The following GULP1 variants were observed in gnomAD, a reference collection of about 807,000 sequenced individuals.
The protein encoded by GULP1 is PTB domain-containing engulfment adapter protein 1.
GULP1 carries 19 observed loss-of-function variants against 40.9 expected under a neutral mutation model. That is an observed-to-expected ratio of 0.46 (90% CI 0.32 to 0.68). The LOEUF (loss-of-function observed/expected upper bound fraction) is 0.68. GULP1 is among the 30% of genes least tolerant of loss of function. The pLI is 0.03. For synonymous variants in GULP1, 119 were observed against 117.6 expected, an observed-to-expected ratio of 1.01 and a Z score of -0.08; for missense variants, 312 against 362.2, an observed-to-expected ratio of 0.86 and a Z score of 1.12.
At chr2:188,462,114 A>T (rs559250600) in intron 2 of GULP1, among the ~76,000 whole-genome samples, 3 of 152,116 alleles carry the variant, frequency 2.0e-5, no homozygotes, top group Non-Finnish European at 2.9e-5. Context: ...AGTGTGCTTC[A>T]GTATGTTATG....
chr2:188,547,348 A>G (rs1692237002), intron 7 of GULP1, among the ~76,000 whole-genome samples: 1 of 152,012 alleles, frequency 6.6e-6, no homozygotes, highest in Admixed American at 6.6e-5. Context: ...GGTTCTCTAG[A>G]TGGATAGAGC....
At chr2:188,367,844 A>G (rs1280641912) in intron 1 of GULP1, among the ~76,000 whole-genome samples, 1 of 152,108 alleles carries the variant, frequency 6.6e-6, no homozygotes, top group Non-Finnish European at 1.5e-5. Context: ...AAAAAAGCCC[A>G]GTTGATCTCT....
At chr2:188,337,098 ATAT>A (rs1275264073) in intron 1 of GULP1, among the ~76,000 whole-genome samples, 4 of 35,650 alleles carry the variant, frequency 1.1e-4, no homozygotes, top group Non-Finnish European at 2.3e-4. Context: ...ATCTATATCT[ATAT>A]CTATATCTAT....
At chr2:188,310,388 G>C (rs2037882686) in intron 1 of GULP1, among the ~76,000 whole-genome samples, 1 of 152,182 alleles carries the variant, frequency 6.6e-6, no homozygotes, top group South Asian at 2.1e-4. Context: ...GAAGAAGAAT[G>C]AATCAGGGTG....
At chr2:188,559,745 GCT>G (rs1319954926) in intron 7 of GULP1, among the ~76,000 whole-genome samples, 1 of 152,114 alleles carries the variant, frequency 6.6e-6, no homozygotes, top group African/African-American at 2.4e-5. Flanking sequence ...ATATGGTTTG[GCT>G]CTGTGTCCCC....
At chr2:188,408,992 A>T (rs914136179) in intron 2 of GULP1, among the ~76,000 whole-genome samples, 1 of 152,198 alleles carries the variant, frequency 6.6e-6, no homozygotes. Context: ...GTAGCAAAAC[A>T]GTTCTAAGAA....
At chr2:188,452,790 GT>G (rs1559258009) in intron 2 of GULP1, among the ~76,000 whole-genome samples, 1 of 152,066 alleles carries the variant, frequency 6.6e-6, no homozygotes, top group African/African-American at 2.4e-5. Context: ...CAGAATTCTT[GT>G]TTCTAGAGGT....
intron 1 of GULP1, among the ~76,000 whole-genome samples, chr2:188,318,283 A>G (rs1212917114): frequency 8.1e-6 from 1 of 122,978 alleles, no homozygotes; most frequent in Non-Finnish European, 1.7e-5. Context: ...GTTGTAAAAC[A>G]TTTAGTCAGA....
intron 2 of GULP1, among the ~76,000 whole-genome samples, chr2:188,447,312 G>T (rs888727130): frequency 1.3e-5 from 2 of 152,050 alleles, no homozygotes; most frequent in African/African-American, 4.8e-5. Context: ...AAGGGAGGAG[G>T]GTATAATGAG....
chr2:188,541,046 G>A (rs1690347372), intron 6 of GULP1, 135 bp from the exon 7 acceptor site: 1 of 730,664 alleles, frequency 1.4e-6, no homozygotes, highest in Non-Finnish European at 2.2e-6. Context: ...AGGTTGGGGT[G>A]TACATAATTA....
intron 1 of GULP1, among the ~76,000 whole-genome samples, chr2:188,335,359 T>C (rs1461074390): frequency 6.6e-6 from 1 of 152,174 alleles, no homozygotes; most frequent in Non-Finnish European, 1.5e-5. Context: ...CATGCTTAAA[T>C]TCTCTACTGG....
At chr2:188,452,620 A>G (rs1256701365) in intron 2 of GULP1, among the ~76,000 whole-genome samples, 1 of 152,194 alleles carries the variant, frequency 6.6e-6, no homozygotes, top group Non-Finnish European at 1.5e-5. Flanking sequence ...TCAAAACAAC[A>G]AATGGTAGGT....
chr2:188,368,915 A>G (rs1454801139), intron 1 of GULP1, among the ~76,000 whole-genome samples: 2 of 49,516 alleles, frequency 4.0e-5, no homozygotes, highest in Admixed American at 5.3e-4. Context: ...GATAGAATAT[A>G]TATATATGTA....
At chr2:188,543,624 G>A (rs1691127360) in intron 7 of GULP1, among the ~76,000 whole-genome samples, 1 of 152,128 alleles carries the variant, frequency 6.6e-6, no homozygotes, top group African/African-American at 2.4e-5. Flanking sequence ...TGGGAAATAA[G>A]TTATGGCCTA....
chr2:188,337,545 A>G (rs2152114374), intron 1 of GULP1, among the ~76,000 whole-genome samples: 1 of 151,520 alleles, frequency 6.6e-6, no homozygotes, highest in Middle Eastern at 3.4e-3. Flanking sequence ...GACAAAAAAC[A>G]AGGCCCATGC....
chr2:188,554,141 A>C (rs1694183195), intron 7 of GULP1, among the ~76,000 whole-genome samples: 1 of 151,604 alleles, frequency 6.6e-6, no homozygotes, highest in Non-Finnish European at 1.5e-5. Flanking sequence ...TCTCTATTTC[A>C]TTTAGTTCTG....
chr2:188,436,000 T>A (rs1381150043), intron 2 of GULP1, among the ~76,000 whole-genome samples: 1 of 152,134 alleles, frequency 6.6e-6, no homozygotes, highest in Non-Finnish European at 1.5e-5. Context: ...CAAAATCAAC[T>A]GTTTTGAGAC....
chr2:188,333,564 T>A (rs960684469), intron 1 of GULP1, among the ~76,000 whole-genome samples: 1 of 152,184 alleles, frequency 6.6e-6, no homozygotes, highest in Non-Finnish European at 1.5e-5. Flanking sequence ...CAAGAAACTA[T>A]TAATCTTAGC....
At chr2:188,502,345 AGGATTCATTCTTGAGCCT>A (rs1226419605) in intron 4 of GULP1, among the ~76,000 whole-genome samples, 1 of 151,960 alleles carries the variant, frequency 6.6e-6, no homozygotes, top group African/African-American at 2.4e-5. Context: ...CTAACTTATC[AGGATTCATTCTTGAGCCT>A]GGATTTAGTT....
Sources: allele counts gnomAD v4.1 joint callset (sites outside exome capture counted in the v4.1 genomes callset), GRCh38; gene constraint gnomAD v4.1.1; transcripts MANE v1.5; gene names NCBI Gene and HGNC (gene_info 2026-07-23, HGNC 2026-07-21).